Variants in CSPP1 observed in about 807,000 individuals in gnomAD.
CSPP1 encodes centrosome and spindle pole associated protein 1.
A neutral mutation model predicts 164.4 loss-of-function variants in CSPP1; 126 were observed. The observed-to-expected ratio is 0.77, with a 90% CI of 0.66 to 0.89. The LOEUF is 0.89. CSPP1 is among the 40% of genes least tolerant of loss of function. CSPP1 has a pLI of 0.00. For missense variants in CSPP1, 1,395 were observed against 1,449.8 expected, an observed-to-expected ratio of 0.96 and a Z score of 0.61; for synonymous variants, 472 against 476.7, an observed-to-expected ratio of 0.99 and a Z score of 0.13.
chr8:67,074,286 C>A lies in CSPP1; in HGVS notation c.34C>A (p.Gln12Lys). 6.2e-7 allele frequency: 1 copy of A among 1,609,234 alleles called. No individual in the cohort carries two copies. Among genetic ancestry groups the A allele is most frequent in the Non-Finnish European group, 8.5e-7 (1 of 1,177,750 alleles). The change falls in exon 2 of 31, where the codon CAA becomes AAA. Residue 12 changes from glutamine to lysine, a missense_variant. By Grantham distance (53) the Gln-to-Lys change is moderately conservative. Coordinates refer to ENST00000678616, the MANE Select transcript of CSPP1 (RefSeq NM_001382391.1). ...TAATTTGGATGAATTTATTGAAGAG[C>A]AAAAAGCCAGATTGGCCGAAGACAA... ...ADNLDEFIEEQKARLAEDKAE... is the reference protein window; with the variant it reads ...ADNLDEFIEEKKARLAEDKAE...
chr8:67,168,839 T>C lies in CSPP1; in HGVS notation c.2829-3577T>C, dbSNP rs554475572. On this transcript the variant is annotated intron_variant, in intron 24 of 30. Transcript: ENST00000678616. ...AGTAACCTACTTCCTAACTTATCAG[T>C]GTATAACTATTAGCATTAATGGAAA... is the stretch of plus-strand genomic sequence containing the variant. 8.5e-5 allele frequency among the ~76,000 whole-genome samples: 13 copies of C among 152,340 alleles called. No individual in the cohort carries two copies. The East Asian group carries it at 2.5e-3, about 29-fold the overall frequency.
At chr8:67,125,492 A>G (rs1819873196) in intron 15 of CSPP1, among the ~76,000 whole-genome samples, 1 of 152,116 alleles carries the variant, frequency 6.6e-6, no homozygotes. Flanking sequence ...TTTTTCATCT[A>G]ATTTGGGAAA....
chr8:67,188,742 C>T (rs1835375978), intron 28 of CSPP1, among the ~76,000 whole-genome samples: 1 of 152,170 alleles, frequency 6.6e-6, no homozygotes, highest in South Asian at 2.1e-4. Flanking sequence ...CACTTCTGAT[C>T]CAGCGGGGTG....
chr8:67,159,912 CTTTCTTT>C (rs1365784305), intron 21 of CSPP1, among the ~76,000 whole-genome samples: 801 of 60,864 alleles, frequency 0.013, 18 homozygotes, highest in South Asian at 0.029. Flanking sequence ...TTCTTTCTTT[CTTTCTTT>C]CTTTCCTTTC....
intron 20 of CSPP1, 68 bp from the exon 21 acceptor site, chr8:67,158,923 G>T: frequency 8.0e-7 from 1 of 1,253,442 alleles, no homozygotes; most frequent in Non-Finnish European, 1.1e-6. Flanking sequence ...AGATAAATAA[G>T]GCAGCACATT....
chr8:67,085,055 G>T (rs1018102609), intron 3 of CSPP1, among the ~76,000 whole-genome samples: 3 of 151,932 alleles, frequency 2.0e-5, no homozygotes, highest in African/African-American at 7.3e-5. Context: ...AATGTAATTT[G>T]ATTTTTAAAT....
chr8:67,114,924 T>C (rs926668918), intron 12 of CSPP1: 5 of 152,218 alleles, frequency 3.3e-5, no homozygotes, highest in Admixed American at 2.0e-4. Context: ...GGGTTTACTT[T>C]TGATGTGCAA....
chr8:67,112,195 C>G, intron 10 of CSPP1, 130 bp downstream of exon 10: 1 of 447,886 alleles, frequency 2.2e-6, no homozygotes, highest in Non-Finnish European at 4.0e-6. Context: ...ATTTTCATCT[C>G]TACATGCTAA....
chr8:67,177,070 C>CAAAAAAAAA (rs36084458), intron 26 of CSPP1, among the ~76,000 whole-genome samples: 1 of 51,862 alleles, frequency 1.9e-5, no homozygotes, highest in East Asian at 5.9e-4. Context: ...GACTTAGTCT[C>CAAAAAAAAA]AAAAAAAAAA....
At position 67,099,218 on chromosome 8, in the gene CSPP1, C is replaced by G. The variant is rs190641327; in HGVS notation, c.923+3486C>G. ...GATTTGCATTTCAAAGTTATGAGTT[C>G]TGTCCCTTTGTGACAAAACCCAACA... is the stretch of plus-strand genomic sequence containing the variant. On this transcript the variant is annotated intron_variant, in intron 7 of 30. Coordinates refer to ENST00000678616, the MANE Select transcript of CSPP1 (RefSeq NM_001382391.1). The G allele has an allele frequency of 3.9e-5, 6 of 151,926 alleles. No individual in the cohort carries two copies. In the East Asian group the frequency reaches 1.2e-3, roughly 29 times the overall value. The allele number at this position is 151,926 out of a possible 1,614,324, so 9.4% of individuals were successfully genotyped here. A position where few individuals can be genotyped will look rare whatever the true frequency, so the allele number is the denominator to read the frequency against.
chr8:67,179,324 G>C (rs1324562847), intron 27 of CSPP1, among the ~76,000 whole-genome samples: 1 of 152,096 alleles, frequency 6.6e-6, no homozygotes, highest in Non-Finnish European at 1.5e-5. Context: ...ACATAGGGCT[G>C]TCATAATCTG....
At chr8:67,095,150 ACG>A in intron 6 of CSPP1, 141 bp from the exon 7 acceptor site, 1 of 434,486 alleles carries the variant, frequency 2.3e-6, no homozygotes, top group Non-Finnish European at 4.0e-6. Flanking sequence ...TAATGTAAAA[ACG>A]TATATATATA....
chr8:67,123,485 G>A (rs1017373467), intron 15 of CSPP1, among the ~76,000 whole-genome samples: 2 of 152,040 alleles, frequency 1.3e-5, no homozygotes, highest in African/African-American at 4.8e-5. Flanking sequence ...TCTAAAAGAT[G>A]TCTCTATGTA....
chr8:67,172,538 A>C lies in CSPP1; in HGVS notation c.2951A>C (p.Asn984Thr), dbSNP rs1224510782. ...ACTTTTCAGAATGTTCATGATTTTAATGAGCTGAAAGATAGAGGTGAGTAG... is the reference window on the plus strand; with the variant it reads ...ACTTTTCAGAATGTTCATGATTTTACTGAGCTGAAAGATAGAGGTGAGTAG... ...AATFQNVHDF[N>T]ELKDRDSETR... Residue 984 changes from asparagine to threonine, a missense_variant, in exon 25 of 31, where the codon AAT becomes ACT. Coordinates refer to ENST00000678616, the MANE Select transcript of CSPP1 (RefSeq NM_001382391.1). 1 of 1,613,312 alleles carries C rather than the reference A, an allele frequency of 6.2e-7. No individual in the cohort carries two copies. Among genetic ancestry groups the C allele is most frequent in the East Asian group, 2.2e-5 (1 of 44,884 alleles).
intron 7 of CSPP1, among the ~76,000 whole-genome samples, chr8:67,102,011 A>G (rs1260596702): frequency 6.6e-6 from 1 of 152,224 alleles, no homozygotes; most frequent in Non-Finnish European, 1.5e-5. Flanking sequence ...AAATTAAGCT[A>G]AAAATAAAAT....
intron 16 of CSPP1, among the ~76,000 whole-genome samples, chr8:67,133,288 C>A (rs536804520): frequency 6.6e-6 from 1 of 152,134 alleles, no homozygotes; most frequent in Non-Finnish European, 1.5e-5. Context: ...AACAACCCTG[C>A]GCTTATACTT....
intron 21 of CSPP1, among the ~76,000 whole-genome samples, chr8:67,160,053 CTTTT>C (rs1419523513): frequency 3.6e-5 from 2 of 55,538 alleles, no homozygotes; most frequent in East Asian, 1.1e-3. Flanking sequence ...CTTTTTCTTT[CTTTT>C]TGTTTTAAGA....
intron 24 of CSPP1, among the ~76,000 whole-genome samples, chr8:67,168,052 C>A (rs986600280): frequency 6.6e-6 from 1 of 152,164 alleles, no homozygotes; most frequent in Non-Finnish European, 1.5e-5. Flanking sequence ...CCCGGCACCT[C>A]GGGAGGCCGA....
In CSPP1 at chr8:67,118,253, C is replaced by T. The variant is rs755596091; in HGVS notation, c.1502C>T (p.Ala501Val). 3.7e-6 allele frequency: 6 copies of T among 1,613,282 alleles called. No individual in the cohort carries two copies. Among genetic ancestry groups the T allele is most frequent in the Admixed American group, 1.7e-5 (1 of 59,976 alleles). The change falls in exon 14 of 31, where the codon GCA becomes GTA. Residue 501 changes from alanine to valine, a missense_variant. Transcript: ENST00000678616. ...ALGEMVSPRI[A>V]PLPPPPLLPP... Reference sequence around the variant, plus strand: ...TCATCTTTCTTTTCATACAGGATTGCACCTCTGCCTCCACCTCCCCTACTA... The same window carrying T: ...TCATCTTTCTTTTCATACAGGATTGTACCTCTGCCTCCACCTCCCCTACTA...
Sources: gnomAD v4.1 joint callset for allele counts (sites outside exome capture counted in the v4.1 genomes callset) on GRCh38, gnomAD v4.1.1 for gene constraint, MANE v1.5 for transcripts, NCBI Gene and HGNC (gene_info 2026-07-23, HGNC 2026-07-21) for gene names.